Variants in ULK2 observed in about 807,000 individuals in gnomAD.
ULK2 encodes unc-51 like autophagy activating kinase 2, also known as serine/threonine-protein kinase ULK2.
In ULK2, 76 loss-of-function variants were observed where a neutral mutation model predicts 127.5. The ratio of observed to expected loss-of-function variants is 0.60; its 90% CI spans 0.50 to 0.72. ULK2 has a LOEUF of 0.72. Ranked by LOEUF, ULK2 falls within the 30% of genes least tolerant of loss-of-function variation. The probability of loss-of-function intolerance (pLI) is 0.00; values close to 1 mark genes in which losing one functional copy is unlikely to be tolerated. For synonymous variants in ULK2, 452 were observed against 461.9 expected, an observed-to-expected ratio of 0.98 and a Z score of 0.28; for missense variants, 1,144 against 1,295.9, an observed-to-expected ratio of 0.88 and a Z score of 1.80.
intron 3 of ULK2, chr17:19,855,796 C>T (rs1361395001): frequency 2.6e-5 from 4 of 152,272 alleles, no homozygotes; most frequent in African/African-American, 9.7e-5. Flanking sequence ...CTGTCCAGGC[C>T]TCTGTCTCCA....
intron 8 of ULK2, among the ~76,000 whole-genome samples, chr17:19,842,237 GC>G (rs1354750029): frequency 4.0e-5 from 4 of 99,522 alleles, no homozygotes; most frequent in African/African-American, 1.6e-4. Flanking sequence ...CGCTCTTGTT[GC>G]CCAGGCTGGA....
At chr17:19,816,105 G>T (rs2040982544) in intron 13 of ULK2, among the ~76,000 whole-genome samples, 1 of 152,294 alleles carries the variant, frequency 6.6e-6, no homozygotes, top group African/African-American at 2.4e-5. Context: ...AAAAAGACCT[G>T]ATACAAACTG....
chr17:19,852,391 G>A (rs564655584), intron 3 of ULK2, among the ~76,000 whole-genome samples: 3 of 143,302 alleles, frequency 2.1e-5, no homozygotes, highest in Non-Finnish European at 1.5e-5. Context: ...CATGGTGGCC[G>A]GCGCCTATAG....
At chr17:19,839,577 G>C (rs2041686399) in intron 9 of ULK2, among the ~76,000 whole-genome samples, 1 of 151,230 alleles carries the variant, frequency 6.6e-6, no homozygotes, top group African/African-American at 2.4e-5. Flanking sequence ...CAGGAGAATG[G>C]CTTGAAACTG....
At position 19,774,719 on chromosome 17, in the gene ULK2, T is replaced by G. The variant is rs2086785731; in HGVS notation, c.*1630A>C. The G allele has an allele frequency of 6.6e-6, 1 of 152,464 alleles. No individual in the cohort carries two copies. 9.4% of individuals were successfully genotyped at this position (152,464 alleles called of 1,614,324 possible). ...GGAAGTACCTGGCTCAACAAGCCAC[T>G]TAATATGTACCCAGCTACACCCTAG... is the stretch of plus-strand genomic sequence containing the variant. On this transcript the variant is annotated 3_prime_UTR_variant, in exon 27 of 27. Coordinates refer to ENST00000395544, the MANE Select transcript of ULK2 (RefSeq NM_014683.4).
In ULK2 at chr17:19,771,157, T is replaced by C. The variant is rs1184350233; in HGVS notation, c.*5192A>G. 6.6e-6 allele frequency: 1 copy of C among 152,180 alleles called. No homozygotes were observed. Among genetic ancestry groups the C allele is most frequent in the Non-Finnish European group, 1.5e-5 (1 of 68,040 alleles). 9.4% of individuals were successfully genotyped at this position (152,180 alleles called of 1,614,324 possible). A position where few individuals can be genotyped will look rare whatever the true frequency, so the allele number is the denominator to read the frequency against. ...ACAGTGTGGGGCTCCTGTGGGGAGA[T>C]GGGTACTCCTGTACCCAGTGTGGCC... On this transcript the variant is annotated 3_prime_UTR_variant, in exon 27 of 27. Coordinates refer to ENST00000395544, the MANE Select transcript of ULK2 (RefSeq NM_014683.4).
At chr17:19,841,087 A>G (rs1240572209) in intron 9 of ULK2, among the ~76,000 whole-genome samples, 1 of 152,178 alleles carries the variant, frequency 6.6e-6, no homozygotes, top group African/African-American at 2.4e-5. Flanking sequence ...GGAAAAAAAA[A>G]GGAAAACAAG....
At chr17:19,787,343 C>G (rs1404340452) in intron 20 of ULK2, among the ~76,000 whole-genome samples, 1 of 151,894 alleles carries the variant, frequency 6.6e-6, no homozygotes, top group East Asian at 1.9e-4. Context: ...CTGAAGGGCA[C>G]TGGTGTGACC....
At chr17:19,860,918 T>C (rs977790963) in intron 3 of ULK2, 1 of 152,022 alleles carries the variant, frequency 6.6e-6, no homozygotes, top group Admixed American at 6.6e-5. Context: ...CCAGGTTCGA[T>C]TCCTGGCCAA....
intron 13 of ULK2, among the ~76,000 whole-genome samples, chr17:19,814,413 T>TATAC (rs1555557068): frequency 2.9e-5 from 1 of 34,254 alleles, no homozygotes; most frequent in African/African-American, 1.4e-4. Context: ...ATTATATACA[T>TATAC]ATATATATAT....
chr17:19,825,041 A>G, intron 12 of ULK2, 53 bp downstream of exon 12: 2 of 1,504,030 alleles, frequency 1.3e-6, no homozygotes, highest in East Asian at 2.3e-5. Flanking sequence ...TCCATTTGAG[A>G]AAAGATGTAA....
At chr17:19,865,923 T>A in intron 1 of ULK2, 95 bp from the exon 2 acceptor site, 2 of 672,550 alleles carry the variant, frequency 3.0e-6, no homozygotes, top group Non-Finnish European at 5.1e-6. Context: ...CAAATAAATG[T>A]ACGGCATTGG....
Position 19,831,291 on chromosome 17 carries a change from C to G in ULK2, c.788-5105G>C, listed in dbSNP as rs886106417. On this transcript the variant is annotated intron_variant, in intron 10 of 26. Transcript: ENST00000395544. The stretch of plus-strand genomic sequence containing the variant: ...ACTCACCTCCCACCAAGCCCCTCCC[C>G]ATTCACTCACCTCCCACCAAGCCCT... 2.0e-5 allele frequency among the ~76,000 whole-genome samples: 3 copies of G among 152,060 alleles called. No homozygotes were observed. The East Asian group carries it at 5.8e-4, about 30-fold the overall frequency.
chr17:19,797,451 C>G lies in ULK2; in HGVS notation c.1754G>C (p.Ser585Thr). ...AGGAGTTTTAAAGAACCAGTCAGAACTCCGTGGAGAGGACCCCAAGTGCTT... is the reference window on the plus strand; with the variant it reads ...AGGAGTTTTAAAGAACCAGTCAGAAGTCCGTGGAGAGGACCCCAAGTGCTT... ...PTKHLGSSPRSSDWFFKTPLP... is the reference protein window; with the variant it reads ...PTKHLGSSPRTSDWFFKTPLP... Residue 585 changes from serine to threonine, a missense_variant, in exon 18 of 27, where the codon AGT (serine) becomes ACT (threonine). Ser to Thr is a moderately conservative substitution (Grantham distance 58, BLOSUM62 1). This residue lies in a region of ULK2 where 913 missense variants were observed against 970.5 expected (regional missense o/e 0.94). Transcript: ENST00000395544. 6.2e-7 allele frequency: 1 copy of G among 1,613,948 alleles called. No individual in the cohort carries two copies.
intron 16 of ULK2, 65 bp from the exon 17 acceptor site, chr17:19,799,640 G>A: frequency 1.4e-6 from 2 of 1,412,034 alleles, no homozygotes; most frequent in Non-Finnish European, 1.9e-6. Context: ...AATAAAAGAT[G>A]GCAACAGGCA....
chr17:19,809,734 A>AC (rs2087591305), intron 14 of ULK2, among the ~76,000 whole-genome samples: 5 of 136,814 alleles, frequency 3.7e-5, no homozygotes, highest in Non-Finnish European at 4.5e-5. Context: ...CTCCGTCTCA[A>AC]AAAAAAAAAA....
chr17:19,794,413 C>A (rs750091985), intron 20 of ULK2, among the ~76,000 whole-genome samples: 1 of 151,940 alleles, frequency 6.6e-6, no homozygotes, highest in African/African-American at 2.4e-5. Context: ...AACAAAACCA[C>A]GGACCTAGGA....
At chr17:19,862,384 C>T (rs979520470) in intron 3 of ULK2, among the ~76,000 whole-genome samples, 3 of 151,904 alleles carry the variant, frequency 2.0e-5, no homozygotes, top group Non-Finnish European at 4.4e-5. Context: ...CATGAGCCAT[C>T]GCAACCAGGC....
intron 26 of ULK2, among the ~76,000 whole-genome samples, chr17:19,776,841 A>G (rs1467627755): frequency 6.6e-6 from 1 of 152,224 alleles, no homozygotes; most frequent in Non-Finnish European, 1.5e-5. Context: ...CACTAAGCCC[A>G]TGAGGCTTAA....
Sources: allele counts gnomAD v4.1 joint callset (sites outside exome capture counted in the v4.1 genomes callset), GRCh38; gene constraint gnomAD v4.1.1; regional missense constraint gnomAD v4.1.1; transcripts MANE v1.5; gene names NCBI Gene and HGNC (gene_info 2026-07-23, HGNC 2026-07-21).